The following BNC2 variants were observed in gnomAD, a reference collection of about 807,000 sequenced individuals.
The protein encoded by BNC2 is zinc finger protein basonuclin-2.
Under a neutral mutation model 76.3 loss-of-function variants are expected in BNC2, and 20 were observed. The ratio of observed to expected loss-of-function variants is 0.26; its 90% CI spans 0.18 to 0.38. The LOEUF (loss-of-function observed/expected upper bound fraction) is 0.38, where lower values mean the gene tolerates loss of function less well. Among genes scored for constraint, BNC2 ranks in the 10% least tolerant of loss-of-function variants. The probability of loss-of-function intolerance (pLI) is 1.00; values close to 1 mark genes in which losing one functional copy is unlikely to be tolerated. For missense variants in BNC2, 1,382 were observed against 1,399.8 expected, an observed-to-expected ratio of 0.99 and a Z score of 0.20; for synonymous variants, 582 against 514.8, an observed-to-expected ratio of 1.13 and a Z score of -1.77.
chr9:16,584,332 T>C (rs376631863), intron 3 of BNC2, among the ~76,000 whole-genome samples: 3 of 152,328 alleles, frequency 2.0e-5, no homozygotes, highest in African/African-American at 7.2e-5. Context: ...CAGGCAGTAT[T>C]TTGGATATTG....
chr9:16,699,429 T>C (rs2134544590), intron 3 of BNC2, among the ~76,000 whole-genome samples: 1 of 152,338 alleles, frequency 6.6e-6, no homozygotes, highest in South Asian at 2.1e-4. Flanking sequence ...TGATTCTCAG[T>C]GAAGAGTAAG....
intron 1 of BNC2, among the ~76,000 whole-genome samples, chr9:16,753,619 C>G (rs58544132): frequency 0.047 from 7,102 of 152,190 alleles, 558 homozygotes; most frequent in African/African-American, 0.16. Context: ...ATCACACTGC[C>G]AACGGGTAAG....
intron 1 of BNC2, among the ~76,000 whole-genome samples, chr9:16,847,242 A>C (rs116166509): frequency 1.3e-5 from 2 of 152,292 alleles, no homozygotes; most frequent in Admixed American, 1.3e-4. Context: ...AGTTTTTGGC[A>C]CTATATGACA....
intron 5 of BNC2, among the ~76,000 whole-genome samples, chr9:16,502,639 T>G (rs1201043214): frequency 2.6e-5 from 4 of 152,064 alleles, no homozygotes; most frequent in Non-Finnish European, 1.5e-5. Context: ...AGATTTAGAG[T>G]CAAGGTCTTC....
At chr9:16,815,651 G>A (rs923150259) in intron 1 of BNC2, among the ~76,000 whole-genome samples, 2 of 152,166 alleles carry the variant, frequency 1.3e-5, no homozygotes, top group African/African-American at 4.8e-5. Flanking sequence ...CCATAATAGG[G>A]AAGAGGTTAT....
chr9:16,684,389 C>T (rs576829680), intron 3 of BNC2, among the ~76,000 whole-genome samples: 1 of 152,246 alleles, frequency 6.6e-6, no homozygotes, highest in African/African-American at 2.4e-5. Flanking sequence ...CAGACATACA[C>T]CACCCAGACA....
At chr9:16,664,180 C>G (rs1386610540) in intron 3 of BNC2, among the ~76,000 whole-genome samples, 3 of 152,162 alleles carry the variant, frequency 2.0e-5, no homozygotes, top group East Asian at 1.9e-4. Context: ...CATTTCATCT[C>G]AAACACTGAA....
intron 1 of BNC2, among the ~76,000 whole-genome samples, chr9:16,809,253 C>T (rs1490839367): frequency 6.6e-6 from 1 of 152,120 alleles, no homozygotes; most frequent in African/African-American, 2.4e-5. Flanking sequence ...AACAAGCCCC[C>T]TCCTGGATCA....
chr9:16,472,525 A>G (rs1821847304), intron 5 of BNC2, among the ~76,000 whole-genome samples: 1 of 152,236 alleles, frequency 6.6e-6, no homozygotes, highest in African/African-American at 2.4e-5. Flanking sequence ...AAGAGGTCAC[A>G]TGGCTTAGTT....
intron 1 of BNC2, among the ~76,000 whole-genome samples, chr9:16,807,132 G>C (rs998925312): frequency 7.9e-5 from 12 of 152,260 alleles, no homozygotes; most frequent in African/African-American, 2.6e-4. Context: ...TCCTATGCAA[G>C]TGTTTTTAAG....
intron 5 of BNC2, among the ~76,000 whole-genome samples, chr9:16,443,011 G>C (rs937296751): frequency 2.0e-5 from 3 of 149,686 alleles, no homozygotes; most frequent in Non-Finnish European, 4.4e-5. Flanking sequence ...GGGAGGCTGA[G>C]GCATGAGAAT....
intron 5 of BNC2, among the ~76,000 whole-genome samples, chr9:16,549,806 T>C (rs1261771612): frequency 6.6e-6 from 1 of 152,152 alleles, no homozygotes; most frequent in Non-Finnish European, 1.5e-5. Context: ...AAGTAGATTA[T>C]AAATGCTGAA....
intron 5 of BNC2, among the ~76,000 whole-genome samples, chr9:16,459,960 T>C (rs1256238917): frequency 7.9e-5 from 12 of 152,206 alleles, no homozygotes; most frequent in African/African-American, 2.9e-4. Context: ...TCCATCTTAT[T>C]ACCTAGAGAG....
chr9:16,498,708 C>A (rs2131738987), intron 5 of BNC2, among the ~76,000 whole-genome samples: 1 of 151,442 alleles, frequency 6.6e-6, no homozygotes, highest in East Asian at 1.9e-4. Flanking sequence ...AAAAAGACCC[C>A]CAAAAAATTA....
intron 1 of BNC2, among the ~76,000 whole-genome samples, chr9:16,837,474 A>C (rs1354166683): frequency 1.3e-5 from 2 of 152,214 alleles, no homozygotes; most frequent in East Asian, 3.9e-4. Flanking sequence ...ACTGCACTCC[A>C]GCCTGGGCGA....
chr9:16,528,494 G>T (rs551113101), intron 5 of BNC2, among the ~76,000 whole-genome samples: 8 of 152,082 alleles, frequency 5.3e-5, no homozygotes, highest in African/African-American at 1.7e-4. Flanking sequence ...ATATGAGATG[G>T]TTTCTATAGT....
chr9:16,803,483 G>C (rs1817831814), intron 1 of BNC2, among the ~76,000 whole-genome samples: 1 of 152,206 alleles, frequency 6.6e-6, no homozygotes, highest in East Asian at 1.9e-4. Context: ...ATGAGACATT[G>C]TGAATATTTG....
intron 5 of BNC2, among the ~76,000 whole-genome samples, chr9:16,543,771 G>A (rs1818393351): frequency 6.6e-6 from 1 of 152,088 alleles, no homozygotes; most frequent in Non-Finnish European, 1.5e-5. Context: ...CTTTGCCTCT[G>A]CCTGAGGCCT....
intron 3 of BNC2, chr9:16,699,310 T>A: frequency 2.4e-6 from 1 of 420,000 alleles, no homozygotes; most frequent in South Asian, 1.8e-5. Context: ...AATAGTCCCT[T>A]GATGGAAATG....
Sources: allele counts gnomAD v4.1 joint callset (sites outside exome capture counted in the v4.1 genomes callset), GRCh38; gene constraint gnomAD v4.1.1; transcripts MANE v1.5; gene names NCBI Gene and HGNC (gene_info 2026-07-23, HGNC 2026-07-21).